Variants in SH3GL2 observed in about 807,000 individuals in gnomAD.
SH3GL2 encodes the protein SH3 domain containing GRB2 like 2, endophilin A1.
In SH3GL2, 24 loss-of-function variants were observed where a neutral mutation model predicts 46.0. The ratio of observed to expected loss-of-function variants is 0.52; its 90% CI spans 0.38 to 0.73. The LOEUF (loss-of-function observed/expected upper bound fraction) is 0.73, where lower values mean the gene tolerates loss of function less well. Among genes scored for constraint, SH3GL2 ranks in the 30% least tolerant of loss-of-function variants. The pLI, the probability that SH3GL2 is intolerant of heterozygous loss-of-function variation, is 0.00. For synonymous variants in SH3GL2, 196 were observed against 147.1 expected, an observed-to-expected ratio of 1.33 and a Z score of -2.40; for missense variants, 413 against 424.2, an observed-to-expected ratio of 0.97 and a Z score of 0.23.
chr9:17,631,322 A>G (rs1001826232), intron 1 of SH3GL2, among the ~76,000 whole-genome samples: 8 of 152,146 alleles, frequency 5.3e-5, no homozygotes, highest in Non-Finnish European at 1.0e-4. Context: ...CTTTCATAGC[A>G]TGTAGTTAAA....
rs541217601 is a variant in SH3GL2, at chr9:17,734,811, G to T, written c.46-12255G>T. Among the ~76,000 whole-genome samples, 12 of 152,208 alleles carry T rather than the reference G, an allele frequency of 7.9e-5. No individual in the cohort carries two copies. In the South Asian group the frequency reaches 1.0e-3, roughly 13 times the overall value. ...AAGGTTGGAATGGAGTTGGGGGAAG[G>T]AGCCTGGGCAGTGAAGGCTGTAAAA... On this transcript the variant is annotated intron_variant, in intron 1 of 8. Transcript: ENST00000380607.
At chr9:17,654,348 T>C (rs1563799390) in intron 1 of SH3GL2, among the ~76,000 whole-genome samples, 1 of 152,190 alleles carries the variant, frequency 6.6e-6, no homozygotes, top group Non-Finnish European at 1.5e-5. Context: ...ATAAATGGAC[T>C]CCTCTAGGGA....
chr9:17,647,011 A>G (rs1221684223), intron 1 of SH3GL2, among the ~76,000 whole-genome samples: 1 of 151,990 alleles, frequency 6.6e-6, no homozygotes, highest in Non-Finnish European at 1.5e-5. Context: ...TCCCAGGGAG[A>G]TGGGAGTTTT....
At chr9:17,780,663 A>G (rs1003237394) in intron 3 of SH3GL2, among the ~76,000 whole-genome samples, 3 of 105,246 alleles carry the variant, frequency 2.9e-5, no homozygotes, top group Non-Finnish European at 5.8e-5. Flanking sequence ...CCAGAGTGTG[A>G]TATTCCCCTT....
intron 1 of SH3GL2, among the ~76,000 whole-genome samples, chr9:17,663,330 A>T (rs1256461398): frequency 6.6e-6 from 1 of 151,734 alleles, no homozygotes; most frequent in East Asian, 1.9e-4. Flanking sequence ...TTTGTATTAG[A>T]TTTGCTTTTT....
chr9:17,778,660 A>T (rs887351611), intron 3 of SH3GL2, among the ~76,000 whole-genome samples: 1 of 152,114 alleles, frequency 6.6e-6, no homozygotes, highest in African/African-American at 2.4e-5. Context: ...TATAGGGGGC[A>T]AGCGTGGAAG....
At chr9:17,666,776 G>A (rs1419047166) in intron 1 of SH3GL2, among the ~76,000 whole-genome samples, 1 of 151,958 alleles carries the variant, frequency 6.6e-6, no homozygotes, top group East Asian at 1.9e-4. Context: ...TAACTTCCTG[G>A]AAGTAATATT....
intron 8 of SH3GL2, 95 bp downstream of exon 8, chr9:17,793,592 A>AG: frequency 8.3e-7 from 1 of 1,197,668 alleles, no homozygotes; most frequent in East Asian, 2.4e-5. Context: ...CTGGCTGCAT[A>AG]GGAAATATGC....
chr9:17,661,866 C>T (rs776888432), intron 1 of SH3GL2, among the ~76,000 whole-genome samples: 2 of 152,158 alleles, frequency 1.3e-5, no homozygotes, highest in African/African-American at 2.4e-5. Flanking sequence ...ATGAGCCTCA[C>T]TTTCATTGAA....
intron 1 of SH3GL2, among the ~76,000 whole-genome samples, chr9:17,716,650 A>G (rs551809771): frequency 1.5e-4 from 23 of 152,230 alleles, no homozygotes; most frequent in African/African-American, 5.5e-4. Context: ...CTACTGAATA[A>G]GGGAAACATT....
At chr9:17,791,429 C>T (rs953747891) in intron 7 of SH3GL2, 95 bp downstream of exon 7, 57 of 915,914 alleles carry the variant, frequency 6.2e-5, no homozygotes, top group Non-Finnish European at 9.0e-5. Context: ...TGGAGACAAA[C>T]GTCTGCCAAA....
chr9:17,650,442 G>T (rs188654134), intron 1 of SH3GL2, among the ~76,000 whole-genome samples: 103 of 152,230 alleles, frequency 6.8e-4, no homozygotes, highest in African/African-American at 2.3e-3. Context: ...CGCAATCTTG[G>T]CTCATGGAGA....
At chr9:17,743,976 T>C (rs1822608398) in intron 1 of SH3GL2, among the ~76,000 whole-genome samples, 1 of 152,230 alleles carries the variant, frequency 6.6e-6, no homozygotes, top group Non-Finnish European at 1.5e-5. Context: ...ACAGGTCACA[T>C]GAAGGGGTCT....
intron 1 of SH3GL2, among the ~76,000 whole-genome samples, chr9:17,579,687 C>A (rs947597054): frequency 6.6e-6 from 1 of 152,138 alleles, no homozygotes; most frequent in Admixed American, 6.5e-5. Flanking sequence ...TCGGTGCACC[C>A]GGCTTTCCCG....
chr9:17,600,230 G>A (rs895949348), intron 1 of SH3GL2, among the ~76,000 whole-genome samples: 1 of 152,164 alleles, frequency 6.6e-6, no homozygotes, highest in South Asian at 2.1e-4. Flanking sequence ...CTGGATTAAT[G>A]TTTGATAGAA....
intron 1 of SH3GL2, among the ~76,000 whole-genome samples, chr9:17,672,575 T>C (rs1474403847): frequency 1.3e-5 from 2 of 152,138 alleles, no homozygotes; most frequent in Non-Finnish European, 2.9e-5. Flanking sequence ...TCTGTAATCC[T>C]TCAGGAGGCA....
At chr9:17,604,150 G>A (rs1818718908) in intron 1 of SH3GL2, among the ~76,000 whole-genome samples, 1 of 152,080 alleles carries the variant, frequency 6.6e-6, no homozygotes. Context: ...AGAAAACTGG[G>A]TCTCAGAAGT....
At chr9:17,684,350 T>G (rs1015953292) in intron 1 of SH3GL2, among the ~76,000 whole-genome samples, 2 of 151,982 alleles carry the variant, frequency 1.3e-5, no homozygotes, top group African/African-American at 2.4e-5. Flanking sequence ...AAAGAAATAA[T>G]CAGTATATTT....
In SH3GL2 at chr9:17,778,837, G is replaced by A. The variant is rs117098841; in HGVS notation, c.188-7544G>A. Among the ~76,000 whole-genome samples, 1,142 of 152,238 alleles carry A rather than the reference G, an allele frequency of 7.5e-3. 4 individuals are homozygous for A. The highest frequency in any genetic ancestry group is 0.012 in the Non-Finnish European group (790 of 68,008). On this transcript the variant is annotated intron_variant, in intron 3 of 8. Coordinates refer to ENST00000380607, the MANE Select transcript of SH3GL2 (RefSeq NM_003026.5). The stretch of plus-strand genomic sequence containing the variant: ...GAGAGACATCAAAGATAACTATGAA[G>A]TCTAGTGCCTGAGCAAGTGGAAGAA...
Sources: gnomAD v4.1 joint callset for allele counts (sites outside exome capture counted in the v4.1 genomes callset) on GRCh38, gnomAD v4.1.1 for gene constraint, MANE v1.5 for transcripts, NCBI Gene and HGNC (gene_info 2026-07-23, HGNC 2026-07-21) for gene names.